ANOS1: variants seen among roughly 807,000 people sequenced by gnomAD.
The protein encoded by ANOS1 is anosmin 1, also known as anosmin-1.
Under a neutral mutation model 59.0 loss-of-function variants are expected in ANOS1, and 6 were observed. The ratio of observed to expected loss-of-function variants is 0.10; its 90% confidence interval spans 0.06 to 0.20. The LOEUF (loss-of-function observed/expected upper bound fraction) is 0.20, where lower values mean the gene tolerates loss of function less well. Ranked by LOEUF, ANOS1 falls within the 10% of genes least tolerant of loss-of-function variation. The pLI is 1.00. For missense variants in ANOS1, 433 were observed against 542.3 expected (o/e 0.80, Z 2.00); for synonymous variants, 217 against 223.4 (o/e 0.97, Z 0.25).
chrX:8,554,718 G>A (rs1033603666), intron 8 of ANOS1, among the ~76,000 whole-genome samples: 3 of 108,761 alleles, frequency 2.8e-5, no homozygotes, highest in Non-Finnish European at 5.7e-5. Flanking sequence ...GGAGCATCCC[G>A]ATTCATAAAG....
At chrX:8,580,099 G>A (rs1051222889) in intron 6 of ANOS1, among the ~76,000 whole-genome samples, 2 of 111,803 alleles carry the variant, frequency 1.8e-5, no homozygotes, top group South Asian at 3.7e-4. Context: ...TCAACATCTC[G>A]TGCTCAGAGG....
chrX:8,652,642 T>C (rs1192486298), intron 2 of ANOS1, among the ~76,000 whole-genome samples: 3 of 111,520 alleles, frequency 2.7e-5, no homozygotes, highest in African/African-American at 9.8e-5. Flanking sequence ...GTTCTAACAA[T>C]AGAAGGTACT....
chrX:8,545,061 C>CAAAAAAAA (rs759787339), intron 9 of ANOS1, among the ~76,000 whole-genome samples: 23 of 20,326 alleles, frequency 1.1e-3, no homozygotes, highest in Non-Finnish European at 1.4e-3. Flanking sequence ...AGAGAAACTC[C>CAAAAAAAA]AAAAAAAAAA....
intron 1 of ANOS1, among the ~76,000 whole-genome samples, chrX:8,714,478 C>T (rs1284271499): frequency 7.2e-5 from 8 of 111,054 alleles, no homozygotes; most frequent in African/African-American, 2.0e-4. Context: ...GGAACTATTG[C>T]TATTATCACT....
intron 2 of ANOS1, 86 bp from the exon 3 acceptor site, chrX:8,623,756 T>C: frequency 9.8e-6 from 7 of 715,159 alleles, no homozygotes; most frequent in Non-Finnish European, 1.5e-5. Flanking sequence ...GATTGTTGCT[T>C]TTTCAATGCC....
At chrX:8,551,081 C>T (rs1220875129) in intron 9 of ANOS1, among the ~76,000 whole-genome samples, 3 of 111,605 alleles carry the variant, frequency 2.7e-5, no homozygotes, top group African/African-American at 6.5e-5. Context: ...GCCTTTGCTC[C>T]TCCTTCACCT....
chrX:8,580,285 T>A (rs1022777794), intron 6 of ANOS1, among the ~76,000 whole-genome samples: 21 of 111,962 alleles, frequency 1.9e-4, no homozygotes, highest in Non-Finnish European at 3.9e-4. Flanking sequence ...GCATCTTTAA[T>A]TTCAAAGCCA....
intron 2 of ANOS1, among the ~76,000 whole-genome samples, chrX:8,625,349 G>A (rs1481135440): frequency 1.8e-5 from 2 of 111,441 alleles, no homozygotes; most frequent in African/African-American, 3.3e-5. Context: ...ATACATTCAT[G>A]GTTATTTTAT....
At chrX:8,594,713 C>CAT (rs1292580075) in intron 4 of ANOS1, among the ~76,000 whole-genome samples, 19 of 42,925 alleles carry the variant, frequency 4.4e-4, no homozygotes, top group African/African-American at 1.1e-3. Flanking sequence ...TATATATACA[C>CAT]ATATATATAT....
intron 2 of ANOS1, among the ~76,000 whole-genome samples, chrX:8,675,412 T>C (rs1932320473): frequency 9.0e-6 from 1 of 111,602 alleles, no homozygotes; most frequent in African/African-American, 3.3e-5. Context: ...ATGGAAACCA[T>C]TTCATCAGAA....
intron 3 of ANOS1, among the ~76,000 whole-genome samples, chrX:8,603,872 T>C (rs1454390608): frequency 9.0e-6 from 1 of 111,510 alleles, no homozygotes. Flanking sequence ...ACCTCAAATA[T>C]ACAATTTCCT....
chrX:8,533,307 C>G (rs757593329), intron 13 of ANOS1, among the ~76,000 whole-genome samples: 16 of 112,071 alleles, frequency 1.4e-4, no homozygotes, highest in African/African-American at 4.9e-4. Flanking sequence ...TAAGCTCACA[C>G]TTATCCAATC....
chrX:8,615,212 A>G (rs1569064049), intron 3 of ANOS1, among the ~76,000 whole-genome samples: 1 of 111,926 alleles, frequency 8.9e-6, no homozygotes, highest in East Asian at 2.8e-4. Flanking sequence ...ATTTTTAAAA[A>G]TAAAAGCCTA....
intron 3 of ANOS1, among the ~76,000 whole-genome samples, chrX:8,616,044 C>CT (rs5901371): frequency 9.1e-4 from 95 of 104,969 alleles, no homozygotes; most frequent in African/African-American, 2.5e-3. Context: ...CCCCTGATCA[C>CT]TTTTTTTTTT....
chrX:8,716,668 G>C (rs1932843628), intron 1 of ANOS1, among the ~76,000 whole-genome samples: 1 of 111,719 alleles, frequency 9.0e-6, no homozygotes, highest in Non-Finnish European at 1.9e-5. Flanking sequence ...CACCTCATTT[G>C]TGTCTGTGCA....
chrX:8,548,767 CAA>C (rs1469047505), intron 9 of ANOS1, among the ~76,000 whole-genome samples: 1 of 112,346 alleles, frequency 8.9e-6, no homozygotes, highest in Admixed American at 9.5e-5. Flanking sequence ...TGGCCAGCCA[CAA>C]AGAGTGTTCT....
At chrX:8,576,646 G>T (rs56167579) in intron 6 of ANOS1, among the ~76,000 whole-genome samples, 27,629 of 109,081 alleles carry the variant, frequency 0.25, 4,893 homozygotes, top group African/African-American at 0.62. Context: ...TTTTAACTGG[G>T]GAGGGTTTTA....
At chrX:8,657,467 C>CTTTTATTTTTT (rs1358564493) in intron 2 of ANOS1, among the ~76,000 whole-genome samples, 87 of 83,935 alleles carry the variant, frequency 1.0e-3, no homozygotes, top group African/African-American at 3.9e-3. Context: ...ACTGTGCTTG[C>CTTTTATTTTTT]TTTTTTTTTT....
In ANOS1 at chrX:8,659,826, G is replaced by A. The variant is rs1266521167; in HGVS notation, c.256-36156C>T. Among the ~76,000 whole-genome samples the A allele has an allele frequency of 5.5e-5, 6 of 110,060 alleles. No homozygotes were observed. In the East Asian group the frequency reaches 1.7e-3, roughly 32 times the overall value. ...GTACTTTTAGTAGAGATGGGATTTT[G>A]CCATGTTGGCCAGGCTGGTTTCAAA... is the stretch of plus-strand genomic sequence containing the variant. On this transcript the variant is annotated intron_variant, in intron 2 of 13. Coordinates refer to ENST00000262648, the MANE Select transcript of ANOS1 (RefSeq NM_000216.4).
Sources: gnomAD v4.1 joint callset for allele counts (sites outside exome capture counted in the v4.1 genomes callset) on GRCh38, gnomAD v4.1.1 for gene constraint, MANE v1.5 for transcripts, NCBI Gene and HGNC (gene_info 2026-07-23, HGNC 2026-07-21) for gene names.